The following RBFOX1 variants were observed in gnomAD, a reference collection of about 807,000 sequenced individuals.
The protein encoded by RBFOX1 is RNA binding fox-1 homolog 1, also known as RNA binding protein fox-1 homolog 1.
RBFOX1 carries 8 observed loss-of-function variants against 57.7 expected under a neutral mutation model. The observed-to-expected ratio is 0.14, with a 90% CI of 0.08 to 0.25. The LOEUF is 0.25. RBFOX1 is among the 10% of genes least tolerant of loss of function. The probability of loss-of-function intolerance (pLI) is 1.00; values close to 1 mark genes in which losing one functional copy is unlikely to be tolerated. For synonymous variants in RBFOX1, 326 were observed against 222.4 expected (o/e 1.47, Z -4.15); for missense variants, 611 against 548.5 (o/e 1.11, Z -1.14).
intron 4 of RBFOX1, among the ~76,000 whole-genome samples, chr16:7,516,979 G>T (rs1483963789): frequency 6.6e-6 from 1 of 152,064 alleles, no homozygotes; most frequent in Non-Finnish European, 1.5e-5. Flanking sequence ...CATTATATGA[G>T]GGCCAAAGTC....
chr16:5,274,004 G>C (rs1277002106), intron 1 of RBFOX1, among the ~76,000 whole-genome samples: 2 of 152,178 alleles, frequency 1.3e-5, no homozygotes, highest in Non-Finnish European at 2.9e-5. Flanking sequence ...GGGTGTGCTG[G>C]AGGAAAATGT....
chr16:6,912,461 A>T (rs2071892364), intron 3 of RBFOX1, among the ~76,000 whole-genome samples: 1 of 152,124 alleles, frequency 6.6e-6, no homozygotes, highest in South Asian at 2.1e-4. Context: ...GATCCTTTCC[A>T]GCCCTGCGGC....
At chr16:6,829,683 C>T (rs983113687) in intron 3 of RBFOX1, among the ~76,000 whole-genome samples, 4 of 152,092 alleles carry the variant, frequency 2.6e-5, no homozygotes, top group African/African-American at 7.2e-5. Context: ...CTCACTACAA[C>T]CTCCGTCTCC....
intron 4 of RBFOX1, among the ~76,000 whole-genome samples, chr16:7,404,316 G>C (rs910472715): frequency 6.6e-6 from 1 of 152,108 alleles, no homozygotes; most frequent in Non-Finnish European, 1.5e-5. Flanking sequence ...GCCTCCCAAA[G>C]TGCTGGGATT....
At chr16:5,732,348 C>G (rs184377165) in intron 3 of RBFOX1, among the ~76,000 whole-genome samples, 1 of 152,298 alleles carries the variant, frequency 6.6e-6, no homozygotes, top group East Asian at 1.9e-4. Flanking sequence ...CAGTAACCAA[C>G]AATGACTGCC....
At chr16:6,770,991 C>T (rs563115604) in intron 3 of RBFOX1, among the ~76,000 whole-genome samples, 11 of 152,178 alleles carry the variant, frequency 7.2e-5, no homozygotes, top group African/African-American at 2.4e-4. Flanking sequence ...ACCCACAGGA[C>T]CTCAGAATGT....
At chr16:5,525,960 G>A (rs751031520) in intron 2 of RBFOX1, among the ~76,000 whole-genome samples, 1 of 150,952 alleles carries the variant, frequency 6.6e-6, no homozygotes, top group Non-Finnish European at 1.5e-5. Context: ...AAGCTACTTA[G>A]CATGGCTTCA....
chr16:7,445,738 T>G (rs187633748), intron 4 of RBFOX1, among the ~76,000 whole-genome samples: 85 of 152,324 alleles, frequency 5.6e-4, no homozygotes, highest in African/African-American at 1.8e-3. Flanking sequence ...TGTTTTTGTT[T>G]TGTCTTTTCA....
At chr16:5,452,664 G>A (rs2068463566) in intron 1 of RBFOX1, among the ~76,000 whole-genome samples, 1 of 148,430 alleles carries the variant, frequency 6.7e-6, no homozygotes, top group African/African-American at 2.5e-5. Context: ...TTTTTTTTGA[G>A]ACAGAGTCTC....
rs1243489477 is a variant in RBFOX1 at position 6,431,647 on chromosome 16, A to C, written c.-64+114590A>C. Among the ~76,000 whole-genome samples the C allele has an allele frequency of 3.9e-4, 59 of 152,126 alleles. 1 individual carries two copies. The highest frequency in any genetic ancestry group is 3.9e-3 in the Admixed American group (59 of 15,268). ...GATGTGAATGGCATGAGGTCTTGGC[A>C]GGTATTACAAGGACTTGGGCACTTA... On this transcript the variant is annotated intron_variant, in intron 2 of 15. Transcript: ENST00000550418.
chr16:5,956,386 A>G (rs954047884), intron 4 of RBFOX1, among the ~76,000 whole-genome samples: 3 of 152,064 alleles, frequency 2.0e-5, no homozygotes, highest in Non-Finnish European at 2.9e-5. Context: ...ACAGATTTAT[A>G]TGAAAAATTA....
intron 3 of RBFOX1, among the ~76,000 whole-genome samples, chr16:5,823,501 C>A (rs560246732): frequency 6.6e-6 from 1 of 152,236 alleles, no homozygotes; most frequent in South Asian, 2.1e-4. Flanking sequence ...GTCCCCAAAC[C>A]CCAGGCCACG....
At chr16:6,693,248 T>C (rs1290641810) in intron 3 of RBFOX1, among the ~76,000 whole-genome samples, 1 of 151,174 alleles carries the variant, frequency 6.6e-6, no homozygotes, top group Non-Finnish European at 1.5e-5. Flanking sequence ...ATCACCACCA[T>C]CATCATCATC....
chr16:7,495,824 A>G (rs1038154469), intron 4 of RBFOX1, among the ~76,000 whole-genome samples: 1 of 152,240 alleles, frequency 6.6e-6, no homozygotes. Context: ...CATGTAAGCA[A>G]ACATCACCTG....
chr16:7,121,457 C>A, intron 4 of RBFOX1, among the ~76,000 whole-genome samples: 1 of 151,986 alleles, frequency 6.6e-6, no homozygotes, highest in Non-Finnish European at 1.5e-5. Context: ...AACTTAAAAA[C>A]AAACCATTTA....
intron 2 of RBFOX1, among the ~76,000 whole-genome samples, chr16:6,591,672 T>C (rs539382563): frequency 2.3e-4 from 35 of 152,328 alleles, no homozygotes; most frequent in Middle Eastern, 3.4e-3. Context: ...ACGGGGCAAC[T>C]CTAGTATCTT....
intron 3 of RBFOX1, among the ~76,000 whole-genome samples, chr16:6,783,402 C>T (rs1164385281): frequency 7.3e-6 from 1 of 137,618 alleles, no homozygotes; most frequent in African/African-American, 2.7e-5. Flanking sequence ...TTTTGTGTCC[C>T]TGTTAAAGGT....
At chr16:6,353,983 G>A (rs1473709913) in intron 2 of RBFOX1, among the ~76,000 whole-genome samples, 2 of 152,086 alleles carry the variant, frequency 1.3e-5, no homozygotes, top group Non-Finnish European at 2.9e-5. Context: ...ACTTTGGGAC[G>A]CCAAGGCCGG....
intron 2 of RBFOX1, among the ~76,000 whole-genome samples, chr16:6,372,029 G>A (rs2090498947): frequency 6.6e-6 from 1 of 152,308 alleles, no homozygotes; most frequent in Admixed American, 6.5e-5. Flanking sequence ...AGGATTGTTG[G>A]GTGAAACGAT....
Sources: gnomAD v4.1 joint callset for allele counts (sites outside exome capture counted in the v4.1 genomes callset) on GRCh38, gnomAD v4.1.1 for gene constraint, MANE v1.5 for transcripts, NCBI Gene and HGNC (gene_info 2026-07-23, HGNC 2026-07-21) for gene names.